Variants in BNC2 observed in about 807,000 individuals in gnomAD.
The protein encoded by BNC2 is basonuclin zinc finger protein 2, also known as zinc finger protein basonuclin-2.
BNC2 carries 20 observed loss-of-function variants against 76.3 expected under a neutral mutation model. That is an observed-to-expected ratio of 0.26 (90% CI 0.18 to 0.38). The LOEUF (loss-of-function observed/expected upper bound fraction) is 0.38, where lower values mean the gene tolerates loss of function less well. Among genes scored for constraint, BNC2 ranks in the 10% least tolerant of loss-of-function variants. The pLI is 1.00. For synonymous variants in BNC2, 582 were observed against 514.8 expected, an observed-to-expected ratio of 1.13 and a Z score of -1.77; for missense variants, 1,382 against 1,399.8, an observed-to-expected ratio of 0.99 and a Z score of 0.20.
chr9:16,850,515 G>A (rs1053777181), intron 1 of BNC2, among the ~76,000 whole-genome samples: 18 of 152,188 alleles, frequency 1.2e-4, no homozygotes, highest in Admixed American at 1.2e-3. Context: ...CTCATCATCT[G>A]TAAATACTTC....
intron 2 of BNC2, among the ~76,000 whole-genome samples, chr9:16,734,491 T>C (rs944236976): frequency 7.9e-5 from 12 of 152,330 alleles, no homozygotes; most frequent in African/African-American, 2.4e-4. Flanking sequence ...TGTCACTTCA[T>C]ATTTACAACT....
chr9:16,578,835 G>A (rs1204266014), intron 4 of BNC2, among the ~76,000 whole-genome samples: 1 of 152,086 alleles, frequency 6.6e-6, no homozygotes, highest in African/African-American at 2.4e-5. Context: ...AAGCAAACAA[G>A]GGAAAGTAAA....
chr9:16,567,845 C>A (rs1819211516), intron 4 of BNC2, among the ~76,000 whole-genome samples: 1 of 152,030 alleles, frequency 6.6e-6, no homozygotes, highest in South Asian at 2.1e-4. Context: ...AGCAGCCATT[C>A]AATAAGATAA....
chr9:16,797,286 T>A (rs1817680707), intron 1 of BNC2, among the ~76,000 whole-genome samples: 1 of 152,180 alleles, frequency 6.6e-6, no homozygotes, highest in Non-Finnish European at 1.5e-5. Context: ...AATAGCTTCA[T>A]CTTTCTAGAT....
rs959771031 is a variant in BNC2, at chr9:16,414,290, C to CAA, written c.*4698_*4699insTT. The CAA allele has an allele frequency of 2.2e-4, 34 of 152,350 alleles. No individual in the cohort carries two copies. The highest frequency in any genetic ancestry group is 7.2e-4 in the African/African-American group (30 of 41,552). The allele number at this position is 152,350 out of a possible 1,614,324, so 9.4% of individuals were successfully genotyped here. Reference sequence around the variant, plus strand: ...AACATTTCCAGTGCATTCATGATTTCCTTTTCTAGCTACCCCAAAACCAGG... The same window carrying CAA: ...AACATTTCCAGTGCATTCATGATTTCAACTTTTCTAGCTACCCCAAAACCAGG... On this transcript the variant is annotated 3_prime_UTR_variant, in exon 7 of 7. Transcript: ENST00000380672.
intron 3 of BNC2, among the ~76,000 whole-genome samples, chr9:16,657,729 CT>C (rs111373803): frequency 0.083 from 12,625 of 152,162 alleles, 1,676 homozygotes; most frequent in African/African-American, 0.28. Flanking sequence ...TGTGCAGACT[CT>C]TAAAGATGAT....
chr9:16,722,814 A>C (rs2134897724), intron 3 of BNC2, among the ~76,000 whole-genome samples: 1 of 152,278 alleles, frequency 6.6e-6, no homozygotes. Context: ...TTACTTTCCC[A>C]CTGCATTACA....
intron 5 of BNC2, among the ~76,000 whole-genome samples, chr9:16,500,948 T>C (rs901340785): frequency 4.6e-5 from 7 of 152,218 alleles, no homozygotes; most frequent in African/African-American, 1.7e-4. Flanking sequence ...TCTAGTATCC[T>C]GGTATAAATC....
At chr9:16,528,819 GATCT>G (rs66658739) in intron 5 of BNC2, among the ~76,000 whole-genome samples, 21,514 of 152,092 alleles carry the variant, frequency 0.14, 1,913 homozygotes, top group Non-Finnish European at 0.19. Flanking sequence ...AAATGGATGA[GATCT>G]CTCTATACTA....
intron 3 of BNC2, among the ~76,000 whole-genome samples, chr9:16,688,160 C>G (rs1031667981): frequency 3.3e-5 from 5 of 152,194 alleles, no homozygotes; most frequent in Admixed American, 3.3e-4. Context: ...ACACCACACT[C>G]TCACCCCATC....
chr9:16,419,010 A>T lies in BNC2; in HGVS notation c.3279T>A (p.Ile1093=). 1.2e-6 allele frequency: 2 copies of T among 1,614,088 alleles called. No homozygotes were observed. Residue 1093 remains isoleucine (I), a synonymous_variant, in exon 7 of 7, where the codon ATT becomes ATA. Coordinates refer to ENST00000380672, the MANE Select transcript of BNC2 (RefSeq NM_017637.6). Reference sequence around the variant, plus strand: ...GAGACTAATCTACTGAAGTGAAGGGAATGTTTTTGTGGAGATTAGGGTTCT... The same window carrying T: ...GAGACTAATCTACTGAAGTGAAGGGTATGTTTTTGTGGAGATTAGGGTTCT... ...HSQNPNLHKN[I]PFTSVD
chr9:16,472,546 T>G (rs1378738035), intron 5 of BNC2, among the ~76,000 whole-genome samples: 1 of 152,212 alleles, frequency 6.6e-6, no homozygotes, highest in Non-Finnish European at 1.5e-5. Flanking sequence ...ACCTTCCAAC[T>G]CCTTCCAGAC....
At chr9:16,524,944 C>T (rs973594622) in intron 5 of BNC2, among the ~76,000 whole-genome samples, 1 of 151,950 alleles carries the variant, frequency 6.6e-6, no homozygotes, top group Admixed American at 6.6e-5. Context: ...TGTGGTGGCA[C>T]CACCTGCAGT....
intron 3 of BNC2, among the ~76,000 whole-genome samples, chr9:16,593,449 A>G (rs1563854385): frequency 6.6e-6 from 1 of 152,100 alleles, no homozygotes; most frequent in Non-Finnish European, 1.5e-5. Flanking sequence ...TCAGAGTAAA[A>G]ATCAACAGCG....
In BNC2 at chr9:16,786,729, T is replaced by C. The variant is rs550395996; in HGVS notation, c.4-48244A>G. ...CCAAATGTGGGGGGCAGAGTCCTGCTGGGAACCCACAGGATGACTGTGATA... is the reference window on the plus strand; with the variant it reads ...CCAAATGTGGGGGGCAGAGTCCTGCCGGGAACCCACAGGATGACTGTGATA... On this transcript the variant is annotated intron_variant, in intron 1 of 6. Coordinates refer to ENST00000380672, the MANE Select transcript of BNC2 (RefSeq NM_017637.6). 2.6e-5 allele frequency among the ~76,000 whole-genome samples: 4 copies of C among 152,218 alleles called. No homozygotes were observed. In the South Asian group the frequency reaches 8.3e-4, roughly 32 times the overall value.
chr9:16,644,535 T>C (rs1324535053), intron 3 of BNC2, among the ~76,000 whole-genome samples: 3 of 152,176 alleles, frequency 2.0e-5, no homozygotes, highest in African/African-American at 7.2e-5. Flanking sequence ...TCATAGGGAT[T>C]CTGAATAATC....
intron 1 of BNC2, among the ~76,000 whole-genome samples, chr9:16,778,707 G>A (rs1826036477): frequency 6.6e-6 from 1 of 152,128 alleles, no homozygotes; most frequent in South Asian, 2.1e-4. Flanking sequence ...CACTGCACAA[G>A]GCTTCAAACG....
chr9:16,554,096 G>C (rs189757076), intron 4 of BNC2, among the ~76,000 whole-genome samples: 1 of 152,262 alleles, frequency 6.6e-6, no homozygotes, highest in Non-Finnish European at 1.5e-5. Flanking sequence ...TGAACCTAAG[G>C]TTTCTGCAAA....
At chr9:16,544,421 T>A (rs1474550395) in intron 5 of BNC2, among the ~76,000 whole-genome samples, 1 of 152,186 alleles carries the variant, frequency 6.6e-6, no homozygotes, top group Admixed American at 6.5e-5. Context: ...AACAAATATA[T>A]CAAGTAATCA....
Sources: gnomAD v4.1 joint callset for allele counts (sites outside exome capture counted in the v4.1 genomes callset) on GRCh38, gnomAD v4.1.1 for gene constraint, MANE v1.5 for transcripts, NCBI Gene and HGNC (gene_info 2026-07-23, HGNC 2026-07-21) for gene names.